VGLL4: variants seen among roughly 807,000 people sequenced by gnomAD.
The protein encoded by VGLL4 is transcription cofactor vestigial-like protein 4.
VGLL4 carries 7 observed loss-of-function variants against 21.0 expected under a neutral mutation model. The ratio of observed to expected loss-of-function variants is 0.33; its 90% CI spans 0.19 to 0.63. The LOEUF is 0.63. VGLL4 is among the 20% of genes least tolerant of loss of function. The pLI is 0.78. For synonymous variants in VGLL4, 222 were observed against 173.2 expected (o/e 1.28, Z -2.21); for missense variants, 394 against 425.7 (o/e 0.93, Z 0.66).
intron 2 of VGLL4, among the ~76,000 whole-genome samples, chr3:11,586,352 C>T (rs1471609443): frequency 1.3e-5 from 2 of 152,096 alleles, no homozygotes; most frequent in African/African-American, 2.4e-5. Context: ...GGTGAGGAAA[C>T]GGTGCAGGAA....
intron 2 of VGLL4, among the ~76,000 whole-genome samples, chr3:11,589,256 G>T (rs890517119): frequency 6.6e-6 from 1 of 152,130 alleles, no homozygotes; most frequent in Non-Finnish European, 1.5e-5. Flanking sequence ...AAGAACAGGT[G>T]ATCTCTCTAG....
intron 1 of VGLL4, among the ~76,000 whole-genome samples, chr3:11,642,973 G>A (rs563110966): frequency 6.6e-6 from 1 of 152,102 alleles, no homozygotes; most frequent in Non-Finnish European, 1.5e-5. Context: ...TCACTCGCGA[G>A]CACAAAAACT....
At position 11,606,293 on chromosome 3, in the gene VGLL4, G is replaced by C. The variant is rs184272050; in HGVS notation, c.83-4271C>G. Among the ~76,000 whole-genome samples, 6 of 152,350 alleles carry C rather than the reference G, an allele frequency of 3.9e-5. No individual in the cohort carries two copies. In the East Asian group the frequency reaches 1.2e-3, roughly 29 times the overall value. On this transcript the variant is annotated intron_variant, in intron 1 of 4. Transcript: ENST00000430365. ...GGGAATTATGGGAGCTACAATTCAA[G>C]ATGAGATTGGGTGGGGACACTGCCA...
chr3:11,560,678 A>G (rs1179543084), intron 3 of VGLL4, among the ~76,000 whole-genome samples: 2 of 152,218 alleles, frequency 1.3e-5, no homozygotes, highest in Non-Finnish European at 2.9e-5. Context: ...GAAGCGACAC[A>G]TGCCAGGGTA....
chr3:11,561,042 G>A (rs1376148777), intron 3 of VGLL4, among the ~76,000 whole-genome samples: 3 of 151,428 alleles, frequency 2.0e-5, no homozygotes, highest in Admixed American at 2.0e-4. Context: ...CAGGAGGAAG[G>A]AGGGCCCTGC....
At chr3:11,560,333 G>GA (rs1008064557) in intron 3 of VGLL4, among the ~76,000 whole-genome samples, 3 of 152,202 alleles carry the variant, frequency 2.0e-5, no homozygotes, top group African/African-American at 7.2e-5. Flanking sequence ...GTTCCCCCAG[G>GA]AAAAGTATCT....
At chr3:11,622,254 G>C (rs2075277530) in intron 1 of VGLL4, among the ~76,000 whole-genome samples, 1 of 152,106 alleles carries the variant, frequency 6.6e-6, no homozygotes, top group Non-Finnish European at 1.5e-5. Flanking sequence ...CCGGTTTCTT[G>C]ATAAGCCAGC....
At chr3:11,628,582 A>T (rs2075405773) in intron 1 of VGLL4, among the ~76,000 whole-genome samples, 1 of 152,072 alleles carries the variant, frequency 6.6e-6, no homozygotes, top group Non-Finnish European at 1.5e-5. Flanking sequence ...GCACTTTGGG[A>T]GGCCAAGGCG....
chr3:11,579,174 T>A (rs1053888161), intron 2 of VGLL4, among the ~76,000 whole-genome samples: 2 of 148,990 alleles, frequency 1.3e-5, no homozygotes, highest in African/African-American at 2.5e-5. Flanking sequence ...CTACGCTCCA[T>A]CTTTCCAAAA....
At chr3:11,644,714 C>T (rs1205522786), upstream of VGLL4, among the ~76,000 whole-genome samples, 6 of 151,658 alleles carry the variant, frequency 4.0e-5, no homozygotes, top group Non-Finnish European at 8.8e-5. Context: ...GGTGTGGTAG[C>T]GCACGCCTGT....
chr3:11,691,897 G>C (rs1199140326), intron 2 of VGLL4, among the ~76,000 whole-genome samples: 1 of 150,642 alleles, frequency 6.6e-6, no homozygotes, highest in South Asian at 2.1e-4. Context: ...GACAGCACTG[G>C]AGATGTTCAC....
chr3:11,603,633 G>A (rs1175410621), intron 1 of VGLL4, among the ~76,000 whole-genome samples: 1 of 152,104 alleles, frequency 6.6e-6, no homozygotes, highest in Non-Finnish European at 1.5e-5. Context: ...ATACCCCCAG[G>A]AACGCAGCAA....
intron 1 of VGLL4, among the ~76,000 whole-genome samples, chr3:11,605,109 A>C (rs1328447485): frequency 1.6e-3 from 13 of 7,916 alleles, no homozygotes; most frequent in African/African-American, 3.6e-3. Flanking sequence ...CCCCACGCCC[A>C]CCCCCCACCC....
At chr3:11,573,313 A>AAATGGCCCCAT (rs1553723147) in intron 2 of VGLL4, among the ~76,000 whole-genome samples, 1 of 11,900 alleles carries the variant, frequency 8.4e-5, no homozygotes, top group Non-Finnish European at 1.4e-4. Context: ...GAAAGGAAGG[A>AAATGGCCCCAT]AGGAAGAAAG....
chr3:11,582,160 T>G, intron 2 of VGLL4: 2 of 1,141,092 alleles, frequency 1.8e-6, no homozygotes, highest in Non-Finnish European at 2.6e-6. Context: ...AAGCAAAGAC[T>G]ACTCTACCTC....
At chr3:11,610,578 TG>T (rs2075042426) in intron 1 of VGLL4, 1 of 152,252 alleles carries the variant, frequency 6.6e-6, no homozygotes, top group African/African-American at 2.4e-5. Context: ...CCGGCTGGAC[TG>T]GGAAGGGCTG....
At position 11,601,876 on chromosome 3, in the gene VGLL4, T is replaced by C; in HGVS notation, c.229A>G (p.Asn77Asp). 6.2e-7 allele frequency: 1 copy of C among 1,613,734 alleles called. No individual in the cohort carries two copies. The highest frequency in any genetic ancestry group is 8.5e-7 in the Non-Finnish European group (1 of 1,179,878). ...CGACTCATTTTGGAGACGTGGTCGT[T>C]GTCACAGTCTAGGTCCTCGTCACCT... is the stretch of plus-strand genomic sequence containing the variant. Reference protein sequence around the residue: ...EPGDEDLDCDNDHVSKMSRIF... With the variant: ...EPGDEDLDCDDDHVSKMSRIF... The change falls in exon 2 of 5, where the codon AAC becomes GAC. Residue 77 changes from asparagine to aspartate, a missense_variant. Physicochemically the swap from Asn to Asp is conservative, Grantham distance 23 (BLOSUM62 1). Transcript: ENST00000430365.
intron 1 of VGLL4, among the ~76,000 whole-genome samples, chr3:11,638,580 C>T (rs970748330): frequency 6.6e-6 from 1 of 152,114 alleles, no homozygotes; most frequent in African/African-American, 2.4e-5. Context: ...ACTCCCTATC[C>T]TTTCCTGCAA....
chr3:11,716,952 G>GA (rs1416319634), intron 1 of VGLL4, among the ~76,000 whole-genome samples: 12 of 152,038 alleles, frequency 7.9e-5, no homozygotes, highest in African/African-American at 2.9e-4. Context: ...AACATACCTC[G>GA]AAGAAATTTC....
Sources: gnomAD v4.1 joint callset for allele counts (sites outside exome capture counted in the v4.1 genomes callset) on GRCh38, gnomAD v4.1.1 for gene constraint, MANE v1.5 for transcripts, NCBI Gene and HGNC (gene_info 2026-07-23, HGNC 2026-07-21) for gene names.